The following DLC1 variants were observed in gnomAD, a reference collection of about 807,000 sequenced individuals.
The protein encoded by DLC1 is DLC1 Rho GTPase activating protein.
A neutral mutation model predicts 140.3 loss-of-function variants in DLC1; 54 were observed. That is an observed-to-expected ratio of 0.38 (90% CI 0.31 to 0.48). The LOEUF (loss-of-function observed/expected upper bound fraction) is 0.48, where lower values mean the gene tolerates loss of function less well. Among genes scored for constraint, DLC1 ranks in the 20% least tolerant of loss-of-function variants. The pLI is 0.96. For synonymous variants in DLC1, 986 were observed against 728.1 expected, an observed-to-expected ratio of 1.35 and a Z score of -5.70; for missense variants, 2,536 against 1,907.0, an observed-to-expected ratio of 1.33 and a Z score of -6.14.
intron 2 of DLC1, among the ~76,000 whole-genome samples, chr8:13,450,706 C>G (rs1798999101): frequency 6.6e-6 from 1 of 151,722 alleles, no homozygotes; most frequent in Non-Finnish European, 1.5e-5. Context: ...AATTAACAGC[C>G]ATCAACATAG....
intron 4 of DLC1, among the ~76,000 whole-genome samples, chr8:13,333,077 T>G (rs1459338096): frequency 6.6e-6 from 1 of 152,256 alleles, no homozygotes; most frequent in Non-Finnish European, 1.5e-5. Flanking sequence ...TTACAGTTTT[T>G]TCATATTGCA....
chr8:13,449,676 G>C (rs1030638321), intron 2 of DLC1, among the ~76,000 whole-genome samples: 14 of 151,790 alleles, frequency 9.2e-5, no homozygotes, highest in Admixed American at 2.0e-4. Context: ...GTTGTGGGGT[G>C]GGGGGATGGG....
intron 5 of DLC1, among the ~76,000 whole-genome samples, chr8:13,136,939 A>G (rs1345588725): frequency 6.6e-6 from 1 of 152,242 alleles, no homozygotes; most frequent in African/African-American, 2.4e-5. Context: ...TGCATACCTC[A>G]TGAGGGTTTT....
intron 5 of DLC1, among the ~76,000 whole-genome samples, chr8:13,159,273 G>A (rs1336130402): frequency 3.9e-5 from 6 of 152,196 alleles, no homozygotes; most frequent in Non-Finnish European, 8.8e-5. Context: ...AGCTACAGAA[G>A]CTCCTAAGTG....
chr8:13,450,811 T>A (rs1799004091), intron 2 of DLC1, among the ~76,000 whole-genome samples: 1 of 151,128 alleles, frequency 6.6e-6, no homozygotes, highest in South Asian at 2.1e-4. Context: ...GAGGCCGAGG[T>A]GGGCGGATCA....
chr8:13,189,151 C>G (rs941398219), intron 5 of DLC1, among the ~76,000 whole-genome samples: 1 of 152,072 alleles, frequency 6.6e-6, no homozygotes, highest in African/African-American at 2.4e-5. Flanking sequence ...TATTTCAACT[C>G]TCTCTGCGGA....
chr8:13,583,713 C>T (rs939444115), intron 1 of DLC1, among the ~76,000 whole-genome samples: 13 of 152,280 alleles, frequency 8.5e-5, no homozygotes, highest in African/African-American at 3.1e-4. Flanking sequence ...AAAAAAGAAG[C>T]AACACTATTG....
chr8:13,534,286 A>T (rs1048247719), intron 1 of DLC1, among the ~76,000 whole-genome samples: 1 of 152,136 alleles, frequency 6.6e-6, no homozygotes, highest in African/African-American at 2.4e-5. Context: ...AAAGCTTCAC[A>T]TGTTTGCACT....
chr8:13,232,920 G>C (rs1829114415), intron 5 of DLC1, among the ~76,000 whole-genome samples: 1 of 152,130 alleles, frequency 6.6e-6, no homozygotes, highest in African/African-American at 2.4e-5. Context: ...CTGTTTGTTT[G>C]CTTTCCCTGA....
intron 5 of DLC1, among the ~76,000 whole-genome samples, chr8:13,204,106 AG>A (rs1304419547): frequency 1.3e-5 from 2 of 152,256 alleles, no homozygotes; most frequent in African/African-American, 4.8e-5. Context: ...AAAAATGCTC[AG>A]GGGGAAAAAA....
At chr8:13,503,411 T>A (rs572784600) in intron 1 of DLC1, among the ~76,000 whole-genome samples, 2 of 152,136 alleles carry the variant, frequency 1.3e-5, no homozygotes, top group East Asian at 3.9e-4. Flanking sequence ...AATAATAAAT[T>A]AAACAAATTA....
At chr8:13,350,261 C>G (rs763163125) in intron 4 of DLC1, among the ~76,000 whole-genome samples, 1 of 151,984 alleles carries the variant, frequency 6.6e-6, no homozygotes, top group Admixed American at 6.6e-5. Flanking sequence ...TCCCTTATCT[C>G]GATATCATTT....
chr8:13,087,281 AGTCCCAACTACTTGGGAGGCTGAGG>A (rs1817645566), intron 16 of DLC1, among the ~76,000 whole-genome samples: 1 of 152,210 alleles, frequency 6.6e-6, no homozygotes, highest in Non-Finnish European at 1.5e-5. Flanking sequence ...ACATGCCTGC[AGTCCCAACTACTTGGGAGGCTGAGG>A]GGGGAGGATT....
intron 5 of DLC1, among the ~76,000 whole-genome samples, chr8:13,195,524 A>G (rs567447867): frequency 1.3e-5 from 2 of 152,314 alleles, no homozygotes; most frequent in Middle Eastern, 3.4e-3. Context: ...GAGGATGCTT[A>G]ATTTCTAGGA....
intron 2 of DLC1, among the ~76,000 whole-genome samples, chr8:13,402,066 A>G (rs1436262835): frequency 6.6e-6 from 1 of 152,080 alleles, no homozygotes; most frequent in Non-Finnish European, 1.5e-5. Flanking sequence ...AAACACTGGA[A>G]AAGAACTAAG....
At chr8:13,298,998 C>T (rs992389231) in intron 5 of DLC1, among the ~76,000 whole-genome samples, 2 of 152,126 alleles carry the variant, frequency 1.3e-5, no homozygotes, top group African/African-American at 4.8e-5. Context: ...TCATGTTACT[C>T]CATATTAATA....
At chr8:13,318,513 C>CTCTT (rs1285550458) in intron 4 of DLC1, among the ~76,000 whole-genome samples, 2 of 152,204 alleles carry the variant, frequency 1.3e-5, no homozygotes, top group Non-Finnish European at 2.9e-5. Context: ...TTCTCCCCTT[C>CTCTT]TCTTCTATCC....
At chr8:13,570,397 A>C (rs1804608174) in intron 1 of DLC1, among the ~76,000 whole-genome samples, 1 of 145,012 alleles carries the variant, frequency 6.9e-6, no homozygotes, top group Non-Finnish European at 1.5e-5. Context: ...TGCACCCACT[A>C]ACTCGTCATC....
At chr8:13,368,709 C>T (rs755615275) in intron 4 of DLC1, among the ~76,000 whole-genome samples, 1 of 152,086 alleles carries the variant, frequency 6.6e-6, no homozygotes, top group Non-Finnish European at 1.5e-5. Context: ...AGAGCCCTCA[C>T]GGAAGGGAAG....
Sources: gnomAD v4.1 joint callset for allele counts (sites outside exome capture counted in the v4.1 genomes callset) on GRCh38, gnomAD v4.1.1 for gene constraint, MANE v1.5 for transcripts, NCBI Gene and HGNC (gene_info 2026-07-23, HGNC 2026-07-21) for gene names.